Variants in SYTL5 observed in about 807,000 individuals in gnomAD.
SYTL5 encodes synaptotagmin-like protein 5.
SYTL5 carries 34 observed loss-of-function variants against 55.9 expected under a neutral mutation model. The ratio of observed to expected loss-of-function variants is 0.61; its 90% CI spans 0.46 to 0.81. The LOEUF is 0.81. SYTL5 is among the 30% of genes least tolerant of loss of function. SYTL5 has a pLI of 0.00. For missense variants in SYTL5, 637 were observed against 546.7 expected, an observed-to-expected ratio of 1.17 and a Z score of -1.65; for synonymous variants, 221 against 188.7, an observed-to-expected ratio of 1.17 and a Z score of -1.40.
At chrX:38,052,371 T>C (rs969614173) in intron 2 of SYTL5, among the ~76,000 whole-genome samples, 2 of 112,192 alleles carry the variant, frequency 1.8e-5, no homozygotes, top group Non-Finnish European at 3.8e-5. Context: ...GACTCATTTT[T>C]TTCCTCAATA....
the SYTL5 span, among the ~76,000 whole-genome samples, chrX:37,942,669 C>G: frequency 1.8e-5 from 2 of 111,583 alleles, no homozygotes; most frequent in African/African-American, 6.5e-5. Context: ...CTTCACTTCT[C>G]CCTTTTTTCA....
intron 5 of SYTL5, 106 bp from the exon 6 acceptor site, chrX:38,076,461 T>C (rs1936392338): frequency 2.8e-6 from 2 of 723,318 alleles, no homozygotes; most frequent in Non-Finnish European, 3.9e-6. Context: ...GGCTGCTTTA[T>C]TGAAGAATCC....
chrX:38,078,992 G>A (rs948480573), intron 6 of SYTL5, among the ~76,000 whole-genome samples: 7 of 112,347 alleles, frequency 6.2e-5, no homozygotes, highest in African/African-American at 2.3e-4. Flanking sequence ...GATCAATAGA[G>A]CAAAATGTCC....
the SYTL5 span, among the ~76,000 whole-genome samples, chrX:37,959,551 GT>G: frequency 6.5e-4 from 73 of 111,676 alleles, no homozygotes; most frequent in African/African-American, 2.2e-3. Flanking sequence ...TGGCTCAAAG[GT>G]TAGTTATTGG....
chrX:37,968,651 G>A, the SYTL5 span, among the ~76,000 whole-genome samples: 4 of 111,362 alleles, frequency 3.6e-5, no homozygotes, highest in Admixed American at 2.9e-4. Flanking sequence ...GGTTTCATCT[G>A]GGGTACTTCA....
At chrX:38,116,388 G>A (rs895873877) in intron 13 of SYTL5, among the ~76,000 whole-genome samples, 13 of 111,969 alleles carry the variant, frequency 1.2e-4, no homozygotes, top group Non-Finnish European at 2.4e-4. Flanking sequence ...ATAAATGTAC[G>A]TTCATTTGCA....
At chrX:38,078,045 A>G (rs1936433465) in intron 6 of SYTL5, among the ~76,000 whole-genome samples, 1 of 111,559 alleles carries the variant, frequency 9.0e-6, no homozygotes, top group Non-Finnish European at 1.9e-5. Context: ...AAAAAAATGA[A>G]TAAATAAATC....
intron 10 of SYTL5, among the ~76,000 whole-genome samples, chrX:38,102,818 A>G (rs1266322682): frequency 8.9e-6 from 1 of 111,840 alleles, no homozygotes; most frequent in Non-Finnish European, 1.9e-5. Context: ...CACATGCCCA[A>G]TCAGGTCTGT....
chrX:37,920,167 A>G, the SYTL5 span, among the ~76,000 whole-genome samples: 4 of 111,780 alleles, frequency 3.6e-5, no homozygotes, highest in African/African-American at 1.3e-4. Context: ...GTAATCAATG[A>G]AAAAATCTGA....
In SYTL5 at chrX:38,106,767, G is replaced by T; in HGVS notation, c.1330G>T (p.Asp444Tyr). The T allele has an allele frequency of 8.4e-7, 1 of 1,195,705 alleles. No individual in the cohort carries two copies. Among genetic ancestry groups the T allele is most frequent in the Non-Finnish European group, 1.1e-6 (1 of 887,451 alleles). ...AGGAGATGAAAAGAAACAGAGGACA[G>T]ATGCGTAAGCACATAGCATGTTCCT... is the stretch of plus-strand genomic sequence containing the variant. Reference protein sequence around the residue: ...AIGDEKKQRTDAYVKSYLLPD... With the variant: ...AIGDEKKQRTYAYVKSYLLPD... The change falls in exon 11 of 17, where the codon GAT becomes TAT. Residue 444 changes from aspartate to tyrosine, a missense_variant. Transcript: ENST00000297875.
At chrX:38,046,492 T>A (rs1433251196) in intron 2 of SYTL5, among the ~76,000 whole-genome samples, 4 of 111,393 alleles carry the variant, frequency 3.6e-5, no homozygotes, top group African/African-American at 1.3e-4. Flanking sequence ...GAGAATAGCA[T>A]GGGAAAGACC....
chrX:37,938,391 T>C, the SYTL5 span, among the ~76,000 whole-genome samples: 3 of 112,501 alleles, frequency 2.7e-5, no homozygotes, highest in Non-Finnish European at 5.6e-5. Flanking sequence ...ATGAATCAAC[T>C]TGTGGCTGGC....
intron 2 of SYTL5, among the ~76,000 whole-genome samples, chrX:38,039,971 C>T (rs538513664): frequency 1.8e-5 from 2 of 110,581 alleles, no homozygotes; most frequent in African/African-American, 6.6e-5. Context: ...GTCAGGAGAT[C>T]GAGACCATCC....
At chrX:37,943,943 T>C in the SYTL5 span, among the ~76,000 whole-genome samples, 1 of 111,240 alleles carries the variant, frequency 9.0e-6, no homozygotes, top group Non-Finnish European at 1.9e-5. Flanking sequence ...TTTTTTTCTC[T>C]CCCATGGCCT....
chrX:37,966,661 C>A, the SYTL5 span, among the ~76,000 whole-genome samples: 2 of 110,915 alleles, frequency 1.8e-5, no homozygotes, highest in African/African-American at 6.6e-5. Context: ...TGGTCTCGAA[C>A]TCCTGACCTT....
At chrX:38,028,084 A>C (rs1367523838) in intron 1 of SYTL5, among the ~76,000 whole-genome samples, 4 of 111,392 alleles carry the variant, frequency 3.6e-5, no homozygotes, top group Non-Finnish European at 7.5e-5. Context: ...TCAGCCTCCC[A>C]AAGTGTTGGG....
chrX:37,976,409 G>A, the SYTL5 span, among the ~76,000 whole-genome samples: 26 of 111,466 alleles, frequency 2.3e-4, no homozygotes, highest in East Asian at 4.5e-3. Flanking sequence ...TCTGTTAGCT[G>A]ATTTTTCTCA....
chrX:38,122,527 AT>A (rs1937582594), intron 15 of SYTL5, among the ~76,000 whole-genome samples: 1 of 112,465 alleles, frequency 8.9e-6, no homozygotes, highest in African/African-American at 3.2e-5. Context: ...TGTATAATGT[AT>A]TTATATTGTT....
In SYTL5 at chrX:38,012,847, C is replaced by T. The variant is rs973091431; in HGVS notation, c.-357+6179C>T. 8.1e-5 allele frequency among the ~76,000 whole-genome samples: 9 copies of T among 111,800 alleles called. 1 individual carries two copies. The Admixed American group carries it at 8.5e-4, about 11-fold the overall frequency. ...AGCCTATTGCAAAATAGGCATTTTTCCCAACTTTCAACAGATAATGGTATA... is the reference window on the plus strand; with the variant it reads ...AGCCTATTGCAAAATAGGCATTTTTTCCAACTTTCAACAGATAATGGTATA... On this transcript the variant is annotated intron_variant, in intron 1 of 16. Transcript: ENST00000297875.
Sources: gnomAD v4.1 joint callset for allele counts (sites outside exome capture counted in the v4.1 genomes callset) on GRCh38, gnomAD v4.1.1 for gene constraint, MANE v1.5 for transcripts, NCBI Gene and HGNC (gene_info 2026-07-23, HGNC 2026-07-21) for gene names.